The following RHBDF2 variants were observed in gnomAD, a reference collection of about 807,000 sequenced individuals.
RHBDF2 encodes the protein rhomboid 5 homolog 2.
In RHBDF2, 38 loss-of-function variants were observed where a neutral mutation model predicts 95.2. The observed-to-expected ratio is 0.40, with a 90% CI of 0.31 to 0.52. The LOEUF (loss-of-function observed/expected upper bound fraction) is 0.52, where lower values mean the gene tolerates loss of function less well. Ranked by LOEUF, RHBDF2 falls within the 20% of genes least tolerant of loss-of-function variation. The pLI is 0.56. For missense variants in RHBDF2, 863 were observed against 1,137.7 expected (o/e 0.76, Z 3.47); for synonymous variants, 442 against 462.0 (o/e 0.96, Z 0.55).
rs1408023776 is a variant in RHBDF2 at position 76,472,067 on chromosome 17, G to A, written c.2065-15C>T. The A allele has an allele frequency of 6.5e-7, 1 of 1,541,434 alleles. No individual in the cohort carries two copies. Among genetic ancestry groups the A allele is most frequent in the African/African-American group, 1.4e-5 (1 of 73,286 alleles). On this transcript the variant is annotated splice_polypyrimidine_tract_variant and intron_variant, in intron 18 of 18. Transcript: ENST00000675367. Reference sequence around the variant, plus strand: ...GCCGGGCCCACCTGGGGCGGGGCAGGGGAGACGTGGCTTCAGGCATCAGGT... The same window carrying A: ...GCCGGGCCCACCTGGGGCGGGGCAGAGGAGACGTGGCTTCAGGCATCAGGT...
intron 1 of RHBDF2, among the ~76,000 whole-genome samples, chr17:76,499,216 ACCT>A (rs1384638825): frequency 1.3e-5 from 2 of 152,134 alleles, no homozygotes; most frequent in East Asian, 1.9e-4. Flanking sequence ...CAAGCTCGAA[ACCT>A]CCACCAGGGT....
At chr17:76,475,709 G>A (rs563381783) in intron 9 of RHBDF2, among the ~76,000 whole-genome samples, 1 of 151,192 alleles carries the variant, frequency 6.6e-6, no homozygotes, top group South Asian at 2.1e-4. Context: ...AGCCTCCCTC[G>A]TAGCTGGGAT....
intron 2 of RHBDF2, among the ~76,000 whole-genome samples, chr17:76,486,077 TACACACACACACACACACACAC>T (rs57942849): frequency 4.8e-5 from 7 of 144,886 alleles, no homozygotes; most frequent in East Asian, 2.1e-4. Flanking sequence ...TATATATATG[TACACACACACACACACACACAC>T]ACACACACAC....
chr17:76,479,171 C>T lies in RHBDF2; in HGVS notation c.379G>A (p.Ala127Thr), dbSNP rs1169512283. 6.2e-7 allele frequency: 1 copy of T among 1,612,618 alleles called. No homozygotes were observed. Among genetic ancestry groups the T allele is most frequent in the Non-Finnish European group, 8.5e-7 (1 of 1,179,562 alleles). Residue 127 changes from alanine (A) to threonine (T), a missense_variant, in exon 5 of 19, where the codon GCC (alanine) becomes ACC (threonine). Around this residue, in one of 2 missense-constraint regions of RHBDF2, gnomAD observed 611 missense variants for 725.5 expected, o/e 0.84. Coordinates refer to ENST00000675367, the MANE Select transcript of RHBDF2 (RefSeq NM_001005498.4). ...HCSMRYGRLKASCQRDLELPS... is the reference protein window; with the variant it reads ...HCSMRYGRLKTSCQRDLELPS... ...AGCTCCAGGTCACGCTGGCACGAGG[C>T]CTTCAGGCGGCCGTAGCGCATGCTG...
At chr17:76,493,792 A>T (rs948942556) in intron 1 of RHBDF2, among the ~76,000 whole-genome samples, 1 of 152,214 alleles carries the variant, frequency 6.6e-6, no homozygotes, top group Non-Finnish European at 1.5e-5. Flanking sequence ...GGAGAGAAAC[A>T]AAACGGCCTG....
chr17:76,472,727 C>T lies in RHBDF2; in HGVS notation c.2023G>A (p.Gly675Ser). 6.2e-7 allele frequency: 1 copy of T among 1,614,124 alleles called. No individual in the cohort carries two copies. Among genetic ancestry groups the T allele is most frequent in the East Asian group, 2.2e-5 (1 of 44,886 alleles). ...AIIFILSGIT[G>S]NLASAIFLPY... ...AGAAAGATGGCACTGGCGAGGTTGC[C>T]TGTGATGCCACTGAGGATGAAGATG... The change falls in exon 18 of 19, where the codon GGC (glycine) becomes AGC (serine). Residue 675 changes from glycine (G) to serine (S), a missense_variant. By Grantham distance (56) the Gly-to-Ser change is moderately conservative. This residue lies in a region of RHBDF2 where 252 missense variants were observed against 412.2 expected (regional missense o/e 0.61). Coordinates refer to ENST00000675367, the MANE Select transcript of RHBDF2 (RefSeq NM_001005498.4).
intron 2 of RHBDF2, among the ~76,000 whole-genome samples, chr17:76,485,049 A>AT (rs1362743688): frequency 6.6e-6 from 1 of 152,158 alleles, no homozygotes; most frequent in African/African-American, 2.4e-5. Context: ...AGGTGGGCGG[A>AT]TCACCTAAGG....
chr17:76,473,987 A>T, intron 13 of RHBDF2, 46 bp downstream of exon 13: 1 of 1,604,834 alleles, frequency 6.2e-7, no homozygotes. Context: ...CTCAGATGGC[A>T]TGGCTATGCC....
intron 14 of RHBDF2, 27 bp downstream of exon 14, chr17:76,473,812 A>G (rs1332860464): frequency 6.2e-7 from 1 of 1,613,606 alleles, no homozygotes; most frequent in Admixed American, 1.7e-5. Context: ...TGACCTTCCC[A>G]GACCACTCCC....
rs746421310 is a variant in RHBDF2, at chr17:76,474,574, C to T, written c.1303-40G>A. Reference sequence around the variant, plus strand: ...GGGAGGGGAGAGAGTGAGTTTGAGCCCCAGACCTGGGAGGGGTCCATCACT... The same window carrying T: ...GGGAGGGGAGAGAGTGAGTTTGAGCTCCAGACCTGGGAGGGGTCCATCACT... On this transcript the variant is annotated intron_variant, in intron 11 of 18. Coordinates refer to ENST00000675367, the MANE Select transcript of RHBDF2 (RefSeq NM_001005498.4). 17 of 1,612,220 alleles carry T rather than the reference C, an allele frequency of 1.1e-5. No individual in the cohort carries two copies. In the East Asian group the frequency reaches 3.6e-4, roughly 34 times the overall value.
intron 18 of RHBDF2, chr17:76,472,384 A>G: frequency 1.7e-6 from 1 of 585,248 alleles, no homozygotes; most frequent in Non-Finnish European, 3.1e-6. Flanking sequence ...CAGACTGCCG[A>G]CGGCGCACGG....
At chr17:76,490,000 A>C (rs767743324) in intron 1 of RHBDF2, among the ~76,000 whole-genome samples, 3 of 152,196 alleles carry the variant, frequency 2.0e-5, no homozygotes, top group Admixed American at 6.5e-5. Flanking sequence ...CCAGCATTCC[A>C]GCGCTTTCCA....
chr17:76,492,285 G>T (rs890310664), intron 1 of RHBDF2, among the ~76,000 whole-genome samples: 1 of 152,182 alleles, frequency 6.6e-6, no homozygotes, highest in African/African-American at 2.4e-5. Context: ...ACCCTCCCCT[G>T]CCCAGGCTCA....
chr17:76,472,867 C>T (rs1233207649), intron 17 of RHBDF2, 28 bp from the exon 18 acceptor site: 1 of 1,576,222 alleles, frequency 6.3e-7, no homozygotes, highest in Non-Finnish European at 8.6e-7. Flanking sequence ...CAGGCAGCGG[C>T]CTTCAGCCAG....
In RHBDF2 at chr17:76,471,722, T is replaced by C. The variant is rs1302773398; in HGVS notation, c.2395A>G (p.Ile799Val). ...ALVLWLYIYPINWPWIEHLTC... is the reference protein window; with the variant it reads ...ALVLWLYIYPVNWPWIEHLTC... ...AGGTGCTCGATCCAGGGCCAGTTAA[T>C]GGGGTAGATGTACAGCCACAGCACG... Residue 799 changes from isoleucine (I) to valine (V), a missense_variant, in exon 19 of 19, where the codon ATT (isoleucine) becomes GTT (valine). Physicochemically the swap from Ile to Val is conservative, Grantham distance 29. This residue lies in a region of RHBDF2 where 252 missense variants were observed against 412.2 expected (regional missense o/e 0.61). Transcript: ENST00000675367. 2 of 1,610,968 alleles carry C rather than the reference T, an allele frequency of 1.2e-6. No homozygotes were observed. Among genetic ancestry groups the C allele is most frequent in the Non-Finnish European group, 1.7e-6 (2 of 1,178,834 alleles).
chr17:76,500,339 T>G (rs112913575), intron 1 of RHBDF2, among the ~76,000 whole-genome samples: 1 of 152,146 alleles, frequency 6.6e-6, no homozygotes, highest in Non-Finnish European at 1.5e-5. Flanking sequence ...CATTGCCAAA[T>G]ATCCCATGGC....
At chr17:76,476,494 T>C in intron 9 of RHBDF2, 1 of 279,896 alleles carries the variant, frequency 3.6e-6, no homozygotes, top group East Asian at 8.2e-5. Flanking sequence ...TGACCGACCC[T>C]GCCCTCCCTG....
Position 76,473,914 on chromosome 17 carries a change from G to T in RHBDF2, c.1575-12C>A. 2.5e-6 allele frequency: 4 copies of T among 1,613,756 alleles called. No individual in the cohort carries two copies. Among genetic ancestry groups the T allele is most frequent in the Non-Finnish European group, 3.4e-6 (4 of 1,179,890 alleles). On this transcript the variant is annotated splice_polypyrimidine_tract_variant and intron_variant, in intron 13 of 18. Coordinates refer to ENST00000675367, the MANE Select transcript of RHBDF2 (RefSeq NM_001005498.4). Reference sequence around the variant, plus strand: ...GCTCCTCGCAGGTCCTGGAGACAGGGTTCAGATTGGGCTGTGGCACACCCA... The same window carrying T: ...GCTCCTCGCAGGTCCTGGAGACAGGTTTCAGATTGGGCTGTGGCACACCCA...
rs1567896271 is a variant in RHBDF2 at position 76,501,404 on chromosome 17, C to G, written c.-271G>C. Reference sequence around the variant, plus strand: ...CGCAACTCCGTGCGGCGCCTGCGAGCGGCTGGGCGGTGGCTCCTCGGGGGC... The same window carrying G: ...CGCAACTCCGTGCGGCGCCTGCGAGGGGCTGGGCGGTGGCTCCTCGGGGGC... On this transcript the variant is annotated 5_prime_UTR_variant, in exon 1 of 19. Transcript: ENST00000675367. 2.0e-5 allele frequency: 3 copies of G among 152,466 alleles called. No homozygotes were observed. The highest frequency in any genetic ancestry group is 4.4e-5 in the Non-Finnish European group (3 of 68,128). The allele number at this position is 152,466 out of a possible 1,614,324, so 9.4% of individuals were successfully genotyped here. A position where few individuals can be genotyped will look rare whatever the true frequency, so the allele number is the denominator to read the frequency against.
Sources: allele counts gnomAD v4.1 joint callset (sites outside exome capture counted in the v4.1 genomes callset), GRCh38; gene constraint gnomAD v4.1.1; regional missense constraint gnomAD v4.1.1; transcripts MANE v1.5; gene names NCBI Gene and HGNC (gene_info 2026-07-23, HGNC 2026-07-21).